RGS6: variants seen among roughly 807,000 people sequenced by gnomAD.
The protein encoded by RGS6 is regulator of G-protein signaling 6.
A neutral mutation model predicts 78.5 loss-of-function variants in RGS6; 30 were observed. The ratio of observed to expected loss-of-function variants is 0.38; its 90% CI spans 0.29 to 0.52. The LOEUF (loss-of-function observed/expected upper bound fraction) is 0.52. RGS6 is among the 20% of genes least tolerant of loss of function. The pLI is 0.85. For missense variants in RGS6, 495 were observed against 609.7 expected (o/e 0.81, Z 1.98); for synonymous variants, 206 against 206.0 (o/e 1.00, Z 0.00).
the RGS6 span, among the ~76,000 whole-genome samples, chr14:71,881,593 G>A: frequency 0.17 from 26,286 of 152,104 alleles, 2,389 homozygotes; most frequent in East Asian, 0.28. Flanking sequence ...ATTCTGTCTC[G>A]TCTGCCACCA....
chr14:72,288,245 C>T (rs963014330), intron 2 of RGS6, among the ~76,000 whole-genome samples: 5 of 152,152 alleles, frequency 3.3e-5, no homozygotes, highest in Non-Finnish European at 5.9e-5. Flanking sequence ...TTTAGTAAGT[C>T]AAGAATTGTC....
the RGS6 span, among the ~76,000 whole-genome samples, chr14:72,600,936 G>T: frequency 6.6e-6 from 1 of 151,752 alleles, no homozygotes; most frequent in African/African-American, 2.4e-5. Context: ...GCGGGAAAGA[G>T]GCAAAGATGA....
At chr14:72,411,829 C>T (rs28886611) in intron 3 of RGS6, among the ~76,000 whole-genome samples, 25,095 of 151,836 alleles carry the variant, frequency 0.17, 2,615 homozygotes, top group African/African-American at 0.29. Context: ...GATTATCATG[C>T]GGTTTTTGTC....
intron 2 of RGS6, among the ~76,000 whole-genome samples, chr14:72,010,472 T>G (rs1270480113): frequency 6.6e-6 from 1 of 152,192 alleles, no homozygotes; most frequent in Non-Finnish European, 1.5e-5. Context: ...AGTTAAAAAT[T>G]ATTTTAATCT....
Position 72,377,821 on chromosome 14 carries a change from T to A in RGS6, c.184+25627T>A, listed in dbSNP as rs372113122. 9.3e-4 allele frequency among the ~76,000 whole-genome samples: 142 copies of A among 152,090 alleles called. 5 individuals carry two copies. In the South Asian group the frequency reaches 0.028, roughly 30 times the overall value. On this transcript the variant is annotated intron_variant, in intron 3 of 17. Transcript: ENST00000553525. ...AGTGAGGCTTTGTCTCTACAAAAGA[T>A]TAAAAAATTAACCACCCGTGGTGCT...
At chr14:72,359,546 C>A (rs1179606826) in intron 3 of RGS6, among the ~76,000 whole-genome samples, 1 of 152,016 alleles carries the variant, frequency 6.6e-6, no homozygotes, top group East Asian at 1.9e-4. Context: ...AAGCCATCAG[C>A]ATGTAGACAG....
At chr14:72,002,772 T>C (rs2153223304) in intron 2 of RGS6, among the ~76,000 whole-genome samples, 1 of 152,312 alleles carries the variant, frequency 6.6e-6, no homozygotes, top group South Asian at 2.1e-4. Context: ...CACTTCTGCC[T>C]TTGGTGCATG....
At chr14:72,257,842 G>A (rs562472826) in intron 2 of RGS6, among the ~76,000 whole-genome samples, 4 of 152,046 alleles carry the variant, frequency 2.6e-5, no homozygotes, top group Non-Finnish European at 5.9e-5. Context: ...ACAGAGCACT[G>A]GAGTTCCATG....
chr14:72,319,504 A>G (rs573201558), intron 2 of RGS6, among the ~76,000 whole-genome samples: 104 of 152,060 alleles, frequency 6.8e-4, no homozygotes, highest in African/African-American at 2.4e-3. Context: ...GGCACCCACC[A>G]CCATGCCCGG....
chr14:71,917,534 C>T, the RGS6 span, among the ~76,000 whole-genome samples: 6 of 152,152 alleles, frequency 3.9e-5, no homozygotes, highest in African/African-American at 1.2e-4. Flanking sequence ...TTTGTCTACC[C>T]GCGACCTTGG....
At chr14:72,520,384 T>G (rs553546868) in intron 15 of RGS6, among the ~76,000 whole-genome samples, 2 of 152,306 alleles carry the variant, frequency 1.3e-5, no homozygotes, top group South Asian at 4.1e-4. Flanking sequence ...CAGATTTAGG[T>G]TTGATTTTTA....
At chr14:72,395,457 T>A (rs1047885505) in intron 3 of RGS6, among the ~76,000 whole-genome samples, 2 of 152,206 alleles carry the variant, frequency 1.3e-5, no homozygotes, top group Admixed American at 1.3e-4. Context: ...ACTGTACTTA[T>A]ATACAGAAGT....
intron 2 of RGS6, among the ~76,000 whole-genome samples, chr14:72,238,372 C>G (rs1340110895): frequency 5.3e-5 from 8 of 152,156 alleles, no homozygotes; most frequent in Non-Finnish European, 1.2e-4. Context: ...AGGGTGGGGC[C>G]TTTGCCAGGA....
At chr14:72,057,524 A>G (rs1261626228) in intron 2 of RGS6, among the ~76,000 whole-genome samples, 1 of 152,030 alleles carries the variant, frequency 6.6e-6, no homozygotes. Flanking sequence ...GCTGGCCTAC[A>G]TGCAAAGTGT....
intron 3 of RGS6, among the ~76,000 whole-genome samples, chr14:72,400,106 A>G (rs962017117): frequency 6.6e-6 from 1 of 152,224 alleles, no homozygotes; most frequent in South Asian, 2.1e-4. Context: ...CGAAGTTGAA[A>G]TGAAGGAAAA....
intron 1 of RGS6, among the ~76,000 whole-genome samples, chr14:71,938,737 A>G (rs549292598): frequency 1.3e-5 from 2 of 152,294 alleles, no homozygotes; most frequent in East Asian, 1.9e-4. Flanking sequence ...CTTTATGGCT[A>G]GATGGGTCAG....
At chr14:72,005,139 A>G (rs889732629) in intron 2 of RGS6, among the ~76,000 whole-genome samples, 7 of 152,220 alleles carry the variant, frequency 4.6e-5, no homozygotes, top group African/African-American at 7.2e-5. Context: ...GTTCTGGTAC[A>G]TACCTATGTA....
At chr14:71,880,708 G>T in the RGS6 span, among the ~76,000 whole-genome samples, 2 of 152,226 alleles carry the variant, frequency 1.3e-5, no homozygotes, top group East Asian at 3.8e-4. Flanking sequence ...GGAAATGCCT[G>T]GATGTCCAGG....
intron 12 of RGS6, among the ~76,000 whole-genome samples, chr14:72,483,073 A>C (rs74345959): frequency 6.6e-6 from 1 of 151,824 alleles, no homozygotes; most frequent in African/African-American, 2.4e-5. Flanking sequence ...ACAAGGTCCT[A>C]CTCTTCTCTG....
Sources: gnomAD v4.1 joint callset for allele counts (sites outside exome capture counted in the v4.1 genomes callset) on GRCh38, gnomAD v4.1.1 for gene constraint, MANE v1.5 for transcripts, NCBI Gene and HGNC (gene_info 2026-07-23, HGNC 2026-07-21) for gene names.